The following DGKH variants were observed in gnomAD, a reference collection of about 807,000 sequenced individuals.
The protein encoded by DGKH is DAG kinase eta.
DGKH carries 90 observed loss-of-function variants against 159.3 expected under a neutral mutation model. The observed-to-expected ratio is 0.57, with a 90% CI of 0.48 to 0.67. DGKH has a LOEUF of 0.67. DGKH is among the 30% of genes least tolerant of loss of function. The pLI is 0.00. For missense variants in DGKH, 1,181 were observed against 1,506.1 expected (o/e 0.78, Z 3.57); for synonymous variants, 536 against 553.8 (o/e 0.97, Z 0.45).
chr13:42,220,594 T>TA (rs1957942298), intron 28 of DGKH, among the ~76,000 whole-genome samples: 1 of 152,206 alleles, frequency 6.6e-6, no homozygotes, highest in African/African-American at 2.4e-5. Context: ...AAAAACCAAA[T>TA]ACAGCAAATA....
intron 29 of DGKH, among the ~76,000 whole-genome samples, chr13:42,225,601 C>T (rs1027848667): frequency 1.2e-4 from 18 of 151,914 alleles, no homozygotes; most frequent in Non-Finnish European, 8.8e-5. Context: ...GGTGAAACCA[C>T]ATCTCTACTA....
At chr13:42,063,693 G>A (rs1227262974) in intron 1 of DGKH, among the ~76,000 whole-genome samples, 2 of 152,228 alleles carry the variant, frequency 1.3e-5, no homozygotes, top group African/African-American at 4.8e-5. Context: ...TCATCCCAGC[G>A]CTTTGGGAAG....
intron 3 of DGKH, among the ~76,000 whole-genome samples, chr13:42,142,195 C>T (rs536542246): frequency 1.9e-4 from 29 of 152,114 alleles, no homozygotes; most frequent in Admixed American, 4.6e-4. Context: ...TGTCAAAGAT[C>T]GAATGGTTGT....
Position 42,166,502 on chromosome 13 carries a change from GT to G in DGKH, c.959-6del. 4.7e-6 allele frequency: 7 copies of G among 1,498,060 alleles called. No homozygotes were observed. The highest frequency in any genetic ancestry group is 4.3e-5 in the South Asian group (3 of 70,370). 92.8% of individuals were successfully genotyped at this position (1,498,060 alleles called of 1,614,324 possible). A position where few individuals can be genotyped will look rare whatever the true frequency, so the allele number is the denominator to read the frequency against. On this transcript the variant is annotated splice_polypyrimidine_tract_variant and intron_variant, in intron 8 of 29. Coordinates refer to ENST00000337343, the MANE Select transcript of DGKH (RefSeq NM_178009.5). ...GCTGTATGTATTGATCTTGTGTTGT[GT>G]TTTTTTCACAGGTTTCTGTAGAGCA...
At chr13:42,102,504 C>T (rs534538293) in intron 1 of DGKH, among the ~76,000 whole-genome samples, 2 of 152,320 alleles carry the variant, frequency 1.3e-5, no homozygotes, top group South Asian at 2.1e-4. Flanking sequence ...TCTAAGTGAC[C>T]ACCTGCTTGG....
At chr13:42,212,436 A>G (rs1175620209) in intron 24 of DGKH, among the ~76,000 whole-genome samples, 1 of 152,216 alleles carries the variant, frequency 6.6e-6, no homozygotes, top group Non-Finnish European at 1.5e-5. Flanking sequence ...TGTTAGTTTC[A>G]GACTAAATAC....
At position 42,186,821 on chromosome 13, in the gene DGKH, A is replaced by G. The variant is rs547100536; in HGVS notation, c.1539-228A>G. On this transcript the variant is annotated intron_variant, in intron 13 of 29. Coordinates refer to ENST00000337343, the MANE Select transcript of DGKH (RefSeq NM_178009.5). ...AAAGCTTCTTATAACATTAATTACT[A>G]TAATTTAAGTAATATACAGCAAGGC... is the stretch of plus-strand genomic sequence containing the variant. Among the ~76,000 whole-genome samples the G allele has an allele frequency of 5.3e-5, 8 of 152,344 alleles. No individual in the cohort carries two copies. In the East Asian group the frequency reaches 1.3e-3, roughly 26 times the overall value.
intron 16 of DGKH, among the ~76,000 whole-genome samples, chr13:42,192,484 A>G (rs1009014518): frequency 4.6e-5 from 7 of 152,148 alleles, no homozygotes; most frequent in Non-Finnish European, 8.8e-5. Context: ...GAGCAATTTC[A>G]TATACATTTG....
At chr13:42,184,424 A>G (rs1018585983) in intron 13 of DGKH, among the ~76,000 whole-genome samples, 1 of 152,200 alleles carries the variant, frequency 6.6e-6, no homozygotes, top group Non-Finnish European at 1.5e-5. Context: ...TATGTAATAT[A>G]GTAGAGATGA....
chr13:42,049,540 T>G (rs1439220011), intron 1 of DGKH, among the ~76,000 whole-genome samples: 1 of 152,234 alleles, frequency 6.6e-6, no homozygotes, highest in Non-Finnish European at 1.5e-5. Flanking sequence ...CTCTGCCTCC[T>G]GCTGCGGTCT....
rs182652312 is a variant in DGKH at position 42,171,092 on chromosome 13, T to C, written c.1367+2274T>C. On this transcript the variant is annotated intron_variant, in intron 11 of 29. Transcript: ENST00000337343. The stretch of plus-strand genomic sequence containing the variant: ...TTTTACAAAGATGAAAATGTAGTTT[T>C]CTGGATACAGTGGGAATAAAAACAA... Among the ~76,000 whole-genome samples the C allele has an allele frequency of 1.4e-3, 210 of 152,332 alleles. 1 individual carries two copies. The highest frequency in any genetic ancestry group is 5.0e-3 in the African/African-American group (206 of 41,572).
intron 1 of DGKH, among the ~76,000 whole-genome samples, chr13:42,089,144 A>G (rs1954366076): frequency 6.6e-6 from 1 of 152,218 alleles, no homozygotes; most frequent in Non-Finnish European, 1.5e-5. Context: ...GAAAGGAGAA[A>G]TGGACAAATT....
At chr13:42,069,501 A>G in intron 1 of DGKH, 4 of 1,579,826 alleles carry the variant, frequency 2.5e-6, no homozygotes, top group Non-Finnish European at 3.5e-6. Context: ...TAGTTCCTGC[A>G]ATAAAGGAAT....
At chr13:42,151,619 TG>T (rs1173346708) in intron 3 of DGKH, among the ~76,000 whole-genome samples, 1 of 126,262 alleles carries the variant, frequency 7.9e-6, no homozygotes, top group African/African-American at 2.9e-5. Context: ...ACACACCCCA[TG>T]GAAAACTACT....
At chr13:42,155,418 A>G (rs548428629) in intron 4 of DGKH, 23 bp downstream of exon 4, 6 of 1,598,892 alleles carry the variant, frequency 3.8e-6, no homozygotes, top group Non-Finnish European at 5.1e-6. Flanking sequence ...CTTTTCTTTC[A>G]TCTCGTGTTC....
rs528112434 is a variant in DGKH, at chr13:42,184,943, A to G, written c.1539-2106A>G. Among the ~76,000 whole-genome samples, 110 of 152,054 alleles carry G rather than the reference A, an allele frequency of 7.2e-4. No homozygotes were observed. In the Middle Eastern group the frequency reaches 0.01, roughly 14 times the overall value. Reference sequence around the variant, plus strand: ...TATAATTAGGAATTTAGAATTTTTTAATCTCTATGGGAAAATCTGCATTCT... The same window carrying G: ...TATAATTAGGAATTTAGAATTTTTTGATCTCTATGGGAAAATCTGCATTCT... On this transcript the variant is annotated intron_variant, in intron 13 of 29. Transcript: ENST00000337343.
At chr13:42,217,016 CTT>C (rs1177472708) in intron 26 of DGKH, among the ~76,000 whole-genome samples, 4 of 152,144 alleles carry the variant, frequency 2.6e-5, no homozygotes, top group Non-Finnish European at 5.9e-5. Context: ...TCCTTCTCCA[CTT>C]TTAATTTTCT....
intron 13 of DGKH, among the ~76,000 whole-genome samples, chr13:42,186,669 A>G (rs1956935080): frequency 6.6e-6 from 1 of 152,230 alleles, no homozygotes; most frequent in South Asian, 2.1e-4. Flanking sequence ...ACAAGTGACA[A>G]TCTTATTTTT....
chr13:42,135,963 G>A (rs1295977598), intron 3 of DGKH, among the ~76,000 whole-genome samples: 2 of 152,170 alleles, frequency 1.3e-5, no homozygotes, highest in Non-Finnish European at 2.9e-5. Context: ...GAGGATAGGA[G>A]CTTAGACCAT....
Sources: gnomAD v4.1 joint callset for allele counts (sites outside exome capture counted in the v4.1 genomes callset) on GRCh38, gnomAD v4.1.1 for gene constraint, MANE v1.5 for transcripts, NCBI Gene and HGNC (gene_info 2026-07-23, HGNC 2026-07-21) for gene names.